Variants in LRRC7 observed in about 807,000 individuals in gnomAD.
LRRC7 encodes the protein leucine-rich repeat-containing protein 7.
A neutral mutation model predicts 175.7 loss-of-function variants in LRRC7; 23 were observed. The ratio of observed to expected loss-of-function variants is 0.13; its 90% CI spans 0.09 to 0.19. The LOEUF (loss-of-function observed/expected upper bound fraction) is 0.19, where lower values mean the gene tolerates loss of function less well. Among genes scored for constraint, LRRC7 ranks in the 10% least tolerant of loss-of-function variants. The probability of loss-of-function intolerance (pLI) is 1.00; values close to 1 mark genes in which losing one functional copy is unlikely to be tolerated. For missense variants in LRRC7, 1,354 were observed against 1,904.7 expected (o/e 0.71, Z 5.38); for synonymous variants, 685 against 680.9 (o/e 1.01, Z -0.09).
At chr1:70,057,675 GA>G (rs1461866902) in intron 23 of LRRC7, among the ~76,000 whole-genome samples, 1 of 152,042 alleles carries the variant, frequency 6.6e-6, no homozygotes, top group Admixed American at 6.6e-5. Flanking sequence ...GGAAATTATG[GA>G]AAGTCTTTGA....
intron 7 of LRRC7, chr1:69,919,780 G>A (rs1646828188): frequency 3.3e-6 from 3 of 905,158 alleles, no homozygotes; most frequent in African/African-American, 1.6e-5. Flanking sequence ...GGCGGACGGG[G>A]GAGATGAGCG....
chr1:69,908,347 G>A lies in LRRC7; in HGVS notation c.648-23160G>A, dbSNP rs74448615. ...TCTTGCTTTTCTAGTTCTTTTAATT[G>A]TGATGTTAGGGTGTCAATTTTGGAT... On this transcript the variant is annotated intron_variant, in intron 7 of 26. Transcript: ENST00000651989. 3.3e-5 allele frequency among the ~76,000 whole-genome samples: 5 copies of A among 151,944 alleles called. No individual in the cohort carries two copies. In the South Asian group the frequency reaches 1.0e-3, roughly 32 times the overall value.
intron 14 of LRRC7, among the ~76,000 whole-genome samples, chr1:70,017,959 T>G (rs1305160736): frequency 6.6e-6 from 1 of 152,156 alleles, no homozygotes; most frequent in East Asian, 1.9e-4. Flanking sequence ...CATTTAACTT[T>G]TATTTAGAAG....
chr1:69,823,571 A>G lies in LRRC7; in HGVS notation c.422-2177A>G, dbSNP rs535144694. The stretch of plus-strand genomic sequence containing the variant: ...AAAGTGTGTGTGTGTGCGTACACGC[A>G]CATTAATAATGTATATATTCACAGT... On this transcript the variant is annotated intron_variant, in intron 4 of 26. Transcript: ENST00000651989. Among the ~76,000 whole-genome samples the G allele has an allele frequency of 2.5e-4, 38 of 152,264 alleles. 1 individual carries two copies. Among genetic ancestry groups the G allele is most frequent in the South Asian group, 1.0e-3 (5 of 4,830 alleles).
chr1:69,944,825 CTCTT>C (rs1649134135), intron 8 of LRRC7, among the ~76,000 whole-genome samples: 1 of 151,790 alleles, frequency 6.6e-6, no homozygotes, highest in African/African-American at 2.4e-5. Context: ...TAAGAAATGA[CTCTT>C]AAGGTTCCTT....
Position 69,575,638 on chromosome 1 carries a change from A to G in LRRC7, c.2+6997A>G, listed in dbSNP as rs903690362. Among the ~76,000 whole-genome samples the G allele has an allele frequency of 2.0e-5, 3 of 149,096 alleles. No individual in the cohort carries two copies. The South Asian group carries it at 6.5e-4, about 32-fold the overall frequency. ...TGGATACTATATCCTTTCTTAAAAC[A>G]TTAAAATTAAAATGTTCTTTTTAAA... is the stretch of plus-strand genomic sequence containing the variant. On this transcript the variant is annotated intron_variant, in intron 1 of 26. Coordinates refer to ENST00000651989, the MANE Select transcript of LRRC7 (RefSeq NM_001370785.2).
In LRRC7 at chr1:69,718,142, G is replaced by GAGAGAAAGAAAGAA. The variant is rs397763816; in HGVS notation, c.100+39667_100+39668insGAAAGAAAGAAAGA. 1.9e-3 allele frequency among the ~76,000 whole-genome samples: 138 copies of GAGAGAAAGAAAGAA among 73,730 alleles called. 1 individual carries two copies. The highest frequency in any genetic ancestry group is 3.6e-3 in the African/African-American group (45 of 12,418). The allele number at this position is 73,730 out of a possible 152,430, so 48.4% of individuals were successfully genotyped here. On this transcript the variant is annotated intron_variant, in intron 2 of 26. Coordinates refer to ENST00000651989, the MANE Select transcript of LRRC7 (RefSeq NM_001370785.2). ...GAAAGAAAGAAAAGAAAGAAAGAGAGAGAAAGAAAGAAAGAAAGAAAGAAA... is the reference window on the plus strand; with the variant it reads ...GAAAGAAAGAAAAGAAAGAAAGAGAGAGAGAAAGAAAGAAAGAAAGAAAGAAAGAAAGAAAGAAA...
intron 1 of LRRC7, among the ~76,000 whole-genome samples, chr1:69,585,506 C>T (rs1646369396): frequency 6.6e-6 from 1 of 152,010 alleles, no homozygotes; most frequent in Non-Finnish European, 1.5e-5. Context: ...ATAGATCAGG[C>T]TAGATGAAAT....
intron 2 of LRRC7, among the ~76,000 whole-genome samples, chr1:69,689,715 C>T (rs1242110053): frequency 6.6e-6 from 1 of 152,090 alleles, no homozygotes; most frequent in African/African-American, 2.4e-5. Context: ...GGGCTCAAGA[C>T]AAACAAGTGG....
intron 11 of LRRC7, among the ~76,000 whole-genome samples, chr1:70,003,960 C>T (rs545969090): frequency 1.3e-5 from 2 of 152,206 alleles, no homozygotes; most frequent in East Asian, 3.9e-4. Context: ...ATATTTTTCT[C>T]CAATAATCTA....
intron 25 of LRRC7, among the ~76,000 whole-genome samples, chr1:70,095,214 G>C (rs1363707106): frequency 1.3e-5 from 2 of 152,060 alleles, no homozygotes; most frequent in African/African-American, 2.4e-5. Flanking sequence ...AGATCAAATT[G>C]TTTTTGTACT....
At chr1:69,871,848 T>G (rs1003766875) in intron 7 of LRRC7, among the ~76,000 whole-genome samples, 3 of 152,042 alleles carry the variant, frequency 2.0e-5, no homozygotes, top group Non-Finnish European at 4.4e-5. Context: ...AAATAATCTA[T>G]GTATGTTCCC....
At chr1:69,654,111 A>ATT (rs564418143) in intron 1 of LRRC7, among the ~76,000 whole-genome samples, 124 of 151,532 alleles carry the variant, frequency 8.2e-4, no homozygotes, top group South Asian at 2.1e-3. Flanking sequence ...ATCTCATGTT[A>ATT]TTTATTTTTT....
chr1:69,968,218 G>A lies in LRRC7; in HGVS notation c.712-12161G>A, dbSNP rs1046430897. Among the ~76,000 whole-genome samples, 13 of 152,096 alleles carry A rather than the reference G, an allele frequency of 8.5e-5. No homozygotes were observed. In the East Asian group the frequency reaches 2.5e-3, roughly 30 times the overall value. On this transcript the variant is annotated intron_variant, in intron 8 of 26. Transcript: ENST00000651989. ...AGAAGAAAGAACTTCAGAGCTCAAAGACAAGGTTTTCCAGTTAACACAATC... is the reference window on the plus strand; with the variant it reads ...AGAAGAAAGAACTTCAGAGCTCAAAAACAAGGTTTTCCAGTTAACACAATC...
intron 11 of LRRC7, 37 bp from the exon 12 acceptor site, chr1:70,011,760 C>T (rs750002832): frequency 6.9e-7 from 1 of 1,447,804 alleles, no homozygotes; most frequent in Non-Finnish European, 9.6e-7. Flanking sequence ...TGCTATCTAA[C>T]TTTTAAAATG....
At chr1:70,000,271 C>G (rs1377825147) in intron 11 of LRRC7, among the ~76,000 whole-genome samples, 1 of 152,156 alleles carries the variant, frequency 6.6e-6, no homozygotes, top group Non-Finnish European at 1.5e-5. Flanking sequence ...GATTATAATA[C>G]TGTATTTTTA....
chr1:69,709,297 A>G (rs546359543), intron 2 of LRRC7, among the ~76,000 whole-genome samples: 8 of 152,354 alleles, frequency 5.3e-5, no homozygotes, highest in African/African-American at 1.9e-4. Context: ...CCAGGGAAAC[A>G]GAGGATAAAA....
Position 69,678,369 on chromosome 1 carries a change from T to G in LRRC7, c.3-12T>G. On this transcript the variant is annotated splice_polypyrimidine_tract_variant and intron_variant, in intron 1 of 26. Coordinates refer to ENST00000651989, the MANE Select transcript of LRRC7 (RefSeq NM_001370785.2). ...AAGAGTATGAAAATACTCTTCTGAT[T>G]CTCTCTTATAGGATGGAGAACCTAA... The G allele has an allele frequency of 6.5e-7, 1 of 1,539,214 alleles. No individual in the cohort carries two copies. The highest frequency in any genetic ancestry group is 1.2e-5 in the South Asian group (1 of 85,222).
At chr1:69,755,795 T>C (rs1670357966) in intron 2 of LRRC7, among the ~76,000 whole-genome samples, 1 of 151,918 alleles carries the variant, frequency 6.6e-6, no homozygotes. Flanking sequence ...CAGAATATTT[T>C]TCTCCAGAAT....
Sources: gnomAD v4.1 joint callset for allele counts (sites outside exome capture counted in the v4.1 genomes callset) on GRCh38, gnomAD v4.1.1 for gene constraint, MANE v1.5 for transcripts, NCBI Gene and HGNC (gene_info 2026-07-23, HGNC 2026-07-21) for gene names.